The following GSK3B variants were observed in gnomAD, a reference collection of about 807,000 sequenced individuals.
GSK3B encodes glycogen synthase kinase-3 beta.
GSK3B carries 15 observed loss-of-function variants against 56.4 expected under a neutral mutation model. The ratio of observed to expected loss-of-function variants is 0.27; its 90% confidence interval spans 0.18 to 0.41. The LOEUF (loss-of-function observed/expected upper bound fraction) is 0.41, where lower values mean the gene tolerates loss of function less well. Among genes scored for constraint, GSK3B ranks in the 10% least tolerant of loss-of-function variants. The pLI is 1.00. For synonymous variants in GSK3B, 181 were observed against 188.9 expected (o/e 0.96, Z 0.34); for missense variants, 300 against 513.4 (o/e 0.58, Z 4.02).
intron 2 of GSK3B, among the ~76,000 whole-genome samples, chr3:119,991,659 T>A (rs1356507058): frequency 6.6e-6 from 1 of 152,002 alleles, no homozygotes; most frequent in Non-Finnish European, 1.5e-5. Flanking sequence ...GCTATGTAAA[T>A]CACAGATTTT....
Position 119,891,156 on chromosome 3 carries a change from G to A in GSK3B, c.813+14599C>T, listed in dbSNP as rs117472585. 9.2e-5 allele frequency among the ~76,000 whole-genome samples: 14 copies of A among 151,806 alleles called. No individual in the cohort carries two copies. In the East Asian group the frequency reaches 2.7e-3, roughly 29 times the overall value. On this transcript the variant is annotated intron_variant, in intron 7 of 10. Coordinates refer to ENST00000264235, the MANE Select transcript of GSK3B (RefSeq NM_001146156.2). ...GGGATTCAGGAAAGGTTCTGGAAGGGGAGTCAAGAGCTGATTTTACTTAAG... is the reference window on the plus strand; with the variant it reads ...GGGATTCAGGAAAGGTTCTGGAAGGAGAGTCAAGAGCTGATTTTACTTAAG...
chr3:120,051,504 C>T (rs538099038), intron 1 of GSK3B, among the ~76,000 whole-genome samples: 39 of 152,278 alleles, frequency 2.6e-4, no homozygotes, highest in African/African-American at 8.7e-4. Context: ...CGGTGGCTCA[C>T]GCCTGCAATC....
chr3:120,093,411 G>A lies in GSK3B; in HGVS notation c.24C>T (p.Thr8=). 1 of 1,613,490 alleles carries A rather than the reference G, an allele frequency of 6.2e-7. No homozygotes were observed. Among genetic ancestry groups the A allele is most frequent in the Non-Finnish European group, 8.5e-7 (1 of 1,179,422 alleles). MSGRPRT[T]SFAESCKPVQ... is the part of the protein sequence containing the mutation. The stretch of plus-strand genomic sequence containing the variant: ...CCGGCTTGCAGCTCTCCGCAAAGGA[G>A]GTGGTTCTGGGCCGCCCTGACATGA... Residue 8 remains threonine, a synonymous_variant, in exon 1 of 11, where the codon ACC becomes ACT. Transcript: ENST00000264235.
At chr3:119,885,091 A>G (rs532856244) in intron 7 of GSK3B, among the ~76,000 whole-genome samples, 1 of 152,146 alleles carries the variant, frequency 6.6e-6, no homozygotes, top group East Asian at 1.9e-4. Context: ...AGAAAGCCCT[A>G]AAGACAAAGG....
intron 1 of GSK3B, among the ~76,000 whole-genome samples, chr3:120,006,957 A>G (rs2057734548): frequency 6.6e-6 from 1 of 151,960 alleles, no homozygotes; most frequent in South Asian, 2.1e-4. Context: ...AAACCTTCAA[A>G]AAAAAAAATA....
At position 120,085,808 on chromosome 3, in the gene GSK3B, G is replaced by GA. The variant is rs959241810; in HGVS notation, c.88+7538dup. On this transcript the variant is annotated intron_variant, in intron 1 of 10. Coordinates refer to ENST00000264235, the MANE Select transcript of GSK3B (RefSeq NM_001146156.2). Reference sequence around the variant, plus strand: ...GCGACACAGTGACATTCCGTCTTGAGAAAAAAAAAAAAGTATTAACTAATT... The same window carrying GA: ...GCGACACAGTGACATTCCGTCTTGAGAAAAAAAAAAAAAGTATTAACTAATT... 5.2e-3 allele frequency among the ~76,000 whole-genome samples: 723 copies of GA among 137,900 alleles called. 2 individuals carry two copies. Among genetic ancestry groups the GA allele is most frequent in the African/African-American group, 0.017 (635 of 37,560 alleles). 90.5% of individuals were successfully genotyped at this position (137,900 alleles called of 152,430 possible). A position where few individuals can be genotyped will look rare whatever the true frequency, so the allele number is the denominator to read the frequency against.
At chr3:119,978,764 C>A (rs1193600794) in intron 2 of GSK3B, among the ~76,000 whole-genome samples, 1 of 152,162 alleles carries the variant, frequency 6.6e-6, no homozygotes, top group Non-Finnish European at 1.5e-5. Context: ...GGACACTAAT[C>A]CAGCCAACTG....
chr3:119,905,673 G>C, intron 7 of GSK3B, 82 bp downstream of exon 7: 2 of 783,362 alleles, frequency 2.6e-6, no homozygotes, highest in South Asian at 1.6e-5. Flanking sequence ...TAAGTTTCTC[G>C]TATGTGTACA....
At chr3:120,067,893 TA>T (rs1330359649) in intron 1 of GSK3B, among the ~76,000 whole-genome samples, 1 of 152,110 alleles carries the variant, frequency 6.6e-6, no homozygotes, top group Non-Finnish European at 1.5e-5. Context: ...GAATCTTTAG[TA>T]AAAAAACAAA....
At chr3:119,971,727 T>G (rs1360546131) in intron 2 of GSK3B, among the ~76,000 whole-genome samples, 1 of 142,412 alleles carries the variant, frequency 7.0e-6, no homozygotes, top group East Asian at 2.2e-4. Flanking sequence ...TTCTCCTGCC[T>G]CAGCCTCCCA....
chr3:119,951,342 C>T lies in GSK3B; in HGVS notation c.283-3991G>A, dbSNP rs550107426. ...ATCCCACCACTTTGGGAGGTTCAGG[C>T]GGGCAGATCACCTGAGGACAGGAGT... On this transcript the variant is annotated intron_variant, in intron 2 of 10. Transcript: ENST00000264235. Among the ~76,000 whole-genome samples, 12 of 152,312 alleles carry T rather than the reference C, an allele frequency of 7.9e-5. No homozygotes were observed. The South Asian group carries it at 2.1e-3, about 26-fold the overall frequency.
intron 7 of GSK3B, among the ~76,000 whole-genome samples, chr3:119,897,612 C>G (rs1201387078): frequency 1.3e-5 from 2 of 151,776 alleles, no homozygotes; most frequent in East Asian, 3.9e-4. Context: ...TCCACTATTA[C>G]TAATAGATTT....
At chr3:120,045,538 A>T (rs1195551728) in intron 1 of GSK3B, among the ~76,000 whole-genome samples, 1 of 152,124 alleles carries the variant, frequency 6.6e-6, no homozygotes, top group Non-Finnish European at 1.5e-5. Context: ...CAATCAAGTC[A>T]GCTTAAATTG....
At chr3:119,977,404 C>A (rs2057418315) in intron 2 of GSK3B, among the ~76,000 whole-genome samples, 1 of 152,170 alleles carries the variant, frequency 6.6e-6, no homozygotes, top group Non-Finnish European at 1.5e-5. Context: ...GAACAGCAGG[C>A]ATACTTAATG....
chr3:120,077,307 T>C (rs909150856), intron 1 of GSK3B, among the ~76,000 whole-genome samples: 6 of 152,194 alleles, frequency 3.9e-5, no homozygotes, highest in Non-Finnish European at 8.8e-5. Context: ...AACTTCAGTG[T>C]GTGTATATAT....
intron 10 of GSK3B, among the ~76,000 whole-genome samples, chr3:119,837,691 T>C (rs1404011492): frequency 6.6e-6 from 1 of 151,808 alleles, no homozygotes; most frequent in African/African-American, 2.4e-5. Context: ...CTAGTTGAAA[T>C]TCCCTACAAC....
rs927477936 is a variant in GSK3B, at chr3:119,912,715, G to T, written c.704C>A (p.Thr235Asn). The change falls in exon 6 of 11, where the codon ACC (threonine) becomes AAC (asparagine). Residue 235 changes from threonine to asparagine, a missense_variant. Around this residue, in one of 6 missense-constraint regions of GSK3B, gnomAD observed 39 missense variants for 154.6 expected, o/e 0.25. Transcript: ENST00000264235. ...AGATTTGTACTTACCTATACTAGAG[G>T]TATAATCAGTGGCTCCAAAGATCAA... The part of the protein sequence containing the change: ...PELIFGATDY[T>N]SSIDVWSAGC... 7 of 1,448,548 alleles carry T rather than the reference G, an allele frequency of 4.8e-6. No individual in the cohort carries two copies. Among genetic ancestry groups the T allele is most frequent in the Non-Finnish European group, 6.8e-6 (7 of 1,032,718 alleles). 89.7% of individuals were successfully genotyped at this position (1,448,548 alleles called of 1,614,324 possible).
chr3:119,970,111 T>C (rs1041569416), intron 2 of GSK3B, among the ~76,000 whole-genome samples: 1 of 152,186 alleles, frequency 6.6e-6, no homozygotes, highest in African/African-American at 2.4e-5. Flanking sequence ...TTGTTGTTAA[T>C]CTCTTACTGT....
intron 1 of GSK3B, among the ~76,000 whole-genome samples, chr3:120,076,067 C>T (rs938145983): frequency 1.4e-4 from 21 of 152,254 alleles, no homozygotes; most frequent in Middle Eastern, 6.8e-3. Context: ...AGCAACAAAT[C>T]CAAACATAGA....
Sources: gnomAD v4.1 joint callset for allele counts (sites outside exome capture counted in the v4.1 genomes callset) on GRCh38, gnomAD v4.1.1 for gene constraint, gnomAD v4.1.1 regional missense constraint, MANE v1.5 for transcripts, NCBI Gene and HGNC (gene_info 2026-07-23, HGNC 2026-07-21) for gene names.